The following QTRT1 variants were observed in gnomAD, a reference collection of about 807,000 sequenced individuals.
QTRT1 encodes TGT, 43-KD subunit.
A neutral mutation model predicts 44.0 loss-of-function variants in QTRT1; 41 were observed. The ratio of observed to expected loss-of-function variants is 0.93; its 90% confidence interval spans 0.73 to 1.21. The LOEUF is 1.21. QTRT1 is among the 50% of genes most tolerant of loss of function. The pLI, the probability that QTRT1 is intolerant of heterozygous loss-of-function variation, is 0.00. For missense variants in QTRT1, 542 were observed against 575.8 expected, an observed-to-expected ratio of 0.94 and a Z score of 0.60; for synonymous variants, 226 against 237.1, an observed-to-expected ratio of 0.95 and a Z score of 0.43.
intron 3 of QTRT1, 82 bp from the exon 4 acceptor site, chr19:10,707,220 T>C: frequency 1.4e-6 from 2 of 1,405,804 alleles, no homozygotes; most frequent in South Asian, 1.2e-5. Context: ...CTTGGGGAAG[T>C]CCAACTTGTC....
chr19:10,713,129 G>C lies in QTRT1; in HGVS notation c.1071G>C (p.Met357Ile). Residue 357 changes from methionine to isoleucine, a missense_variant, in exon 10 of 10, where the codon ATG becomes ATC. Physicochemically the swap from Met to Ile is conservative, Grantham distance 10. Transcript: ENST00000250237. The surrounding 1 kb of genome is among the most constrained non-coding windows in gnomAD (Gnocchi z 4.3). ...VHNIAYQLQLMSAVRTSIVEK... is the reference protein window; with the variant it reads ...VHNIAYQLQLISAVRTSIVEK... ...TCCCCTCCCCGCAGCTGCAGCTCAT[G>C]AGCGCCGTCCGCACCAGCATCGTGG... The C allele has an allele frequency of 6.2e-7, 1 of 1,609,522 alleles. No individual in the cohort carries two copies. Among genetic ancestry groups the C allele is most frequent in the Non-Finnish European group, 8.5e-7 (1 of 1,179,130 alleles).
intron 3 of QTRT1, among the ~76,000 whole-genome samples, chr19:10,706,436 A>G (rs563196386): frequency 6.6e-6 from 1 of 152,044 alleles, no homozygotes; most frequent in Non-Finnish European, 1.5e-5. Flanking sequence ...ACAGTGGTGC[A>G]ATCTTAGCTC....
In QTRT1 at chr19:10,701,618, C is replaced by T. The variant is rs2068689181; in HGVS notation, c.158C>T (p.Thr53Ile). The T allele has an allele frequency of 6.2e-7, 1 of 1,605,708 alleles. No individual in the cohort carries two copies. Among genetic ancestry groups the T allele is most frequent in the Non-Finnish European group, 8.5e-7 (1 of 1,177,286 alleles). ...TTCATGCCAGTGGGCACGCAGGCCA[C>T]CATGAAGGGCATCACGACCGAACAG... The part of the protein sequence containing the change: ...PVFMPVGTQA[T>I]MKGITTEQLD... The change falls in exon 1 of 10, where the codon ACC (threonine) becomes ATC (isoleucine). Residue 53 changes from threonine to isoleucine, a missense_variant. Coordinates refer to ENST00000250237, the MANE Select transcript of QTRT1 (RefSeq NM_031209.3).
intron 3 of QTRT1, among the ~76,000 whole-genome samples, chr19:10,706,100 C>T (rs538964286): frequency 1.4e-5 from 2 of 145,160 alleles, no homozygotes; most frequent in Non-Finnish European, 3.0e-5. Flanking sequence ...GTGATCCACA[C>T]GCCTTGGCCT....
Position 10,701,787 on chromosome 19 carries a change from C to G in QTRT1, c.243+84C>G, listed in dbSNP as rs1284456354. 3 of 1,562,840 alleles carry G rather than the reference C, an allele frequency of 1.9e-6. No homozygotes were observed. In the African/African-American group the frequency reaches 4.1e-5, roughly 21 times the overall value. The stretch of plus-strand genomic sequence containing the variant: ...GAGCGTCCTCCAGGCCCGGACACTC[C>G]TCCCAAAGTCAATCGACCAGCTGTA... On this transcript the variant is annotated intron_variant, in intron 1 of 9. Coordinates refer to ENST00000250237, the MANE Select transcript of QTRT1 (RefSeq NM_031209.3).
Position 10,701,481 on chromosome 19 carries a change from G to A in QTRT1, c.21G>A (p.Gln7=). ...TCAAGATGGCGGGAGCAGCTACCCA[G>A]GCTTCCCTGGAGTCGGCCCCACGGA... is the stretch of plus-strand genomic sequence containing the variant. MAGAAT[Q]ASLESAPRIM... Residue 7 remains glutamine, a synonymous_variant, in exon 1 of 10, where the codon CAG becomes CAA. Transcript: ENST00000250237. 1.3e-6 allele frequency: 2 copies of A among 1,565,348 alleles called. No homozygotes were observed. Among genetic ancestry groups the A allele is most frequent in the Non-Finnish European group, 1.7e-6 (2 of 1,152,092 alleles).
intron 3 of QTRT1, among the ~76,000 whole-genome samples, chr19:10,706,471 C>G (rs2068714048): frequency 6.6e-6 from 1 of 152,084 alleles, no homozygotes; most frequent in African/African-American, 2.4e-5. Flanking sequence ...CTTCCGGGTT[C>G]AAGCGATTCT....
intron 5 of QTRT1, among the ~76,000 whole-genome samples, chr19:10,710,301 A>G (rs765483652): frequency 1.3e-5 from 2 of 152,212 alleles, no homozygotes; most frequent in African/African-American, 2.4e-5. Context: ...AAGTATTCAC[A>G]TATTTTTATT....
chr19:10,710,830 G>A (rs576391781), intron 5 of QTRT1, among the ~76,000 whole-genome samples: 15 of 151,648 alleles, frequency 9.9e-5, no homozygotes, highest in Admixed American at 7.2e-4. Context: ...GGCTGAGGCA[G>A]GAGAATCACT....
At chr19:10,708,543 C>T (rs1232072253) in intron 5 of QTRT1, among the ~76,000 whole-genome samples, 6 of 152,216 alleles carry the variant, frequency 3.9e-5, no homozygotes, top group East Asian at 3.9e-4. Flanking sequence ...TGACAAGCAC[C>T]GCCCCATGGG....
In QTRT1 at chr19:10,702,120, G is replaced by T; in HGVS notation, c.317G>T (p.Ser106Ile). The change falls in exon 3 of 10, where the codon AGC (serine) becomes ATC (isoleucine). Residue 106 changes from serine (S) to isoleucine (I), a missense_variant. By Grantham distance (142) the Ser-to-Ile change is moderately radical (BLOSUM62 -2). Coordinates refer to ENST00000250237, the MANE Select transcript of QTRT1 (RefSeq NM_031209.3). ...MNWPHNLLTD[S>I]GGFQMVSLVS... ...TTGCGGTGGGGTTTCCCTTAGGACA[G>T]CGGCGGTTTCCAGATGGTGTCGCTG... The T allele has an allele frequency of 1.9e-6, 3 of 1,614,200 alleles. No homozygotes were observed. The highest frequency in any genetic ancestry group is 2.5e-6 in the Non-Finnish European group (3 of 1,180,046).
At chr19:10,703,556 TC>T (rs1568251932) in intron 3 of QTRT1, among the ~76,000 whole-genome samples, 1 of 152,132 alleles carries the variant, frequency 6.6e-6, no homozygotes, top group African/African-American at 2.4e-5. Context: ...ACGCCTGTAA[TC>T]CCAGCACTTT....
In QTRT1 at chr19:10,707,603, A is replaced by G; in HGVS notation, c.634A>G (p.Thr212Ala). 1 of 1,604,180 alleles carries G rather than the reference A, an allele frequency of 6.2e-7. No individual in the cohort carries two copies. The highest frequency in any genetic ancestry group is 8.5e-7 in the Non-Finnish European group (1 of 1,175,596). ...QGGLDADLRA[T>A]CLEEMTKRDV... is the part of the protein sequence containing the mutation. ...TGGGCTGGACGCAGATCTCCGGGCC[A>G]CCTGCCTTGAAGGTAGAGCCATGCG... is the stretch of plus-strand genomic sequence containing the variant. The change falls in exon 5 of 10, where the codon ACC (threonine) becomes GCC (alanine). Residue 212 changes from threonine (T) to alanine (A), a missense_variant. Coordinates refer to ENST00000250237, the MANE Select transcript of QTRT1 (RefSeq NM_031209.3).
At chr19:10,708,308 G>A (rs2068723999) in intron 5 of QTRT1, among the ~76,000 whole-genome samples, 1 of 152,012 alleles carries the variant, frequency 6.6e-6, no homozygotes, top group Admixed American at 6.6e-5. Flanking sequence ...TGCTCCTCCT[G>A]GAGTGCAGTG....
intron 1 of QTRT1, 24 bp downstream of exon 1, chr19:10,701,727 G>GGAGGCGGCGAGGCGGC (rs759087448): frequency 5.1e-5 from 80 of 1,565,056 alleles, no homozygotes; most frequent in Non-Finnish European, 6.7e-5. Context: ...GCCCGCGCGG[G>GGAGGCGGCGAGGCGGC]GAGGCGGCGA....
intron 3 of QTRT1, among the ~76,000 whole-genome samples, chr19:10,705,156 C>A (rs1194736261): frequency 6.6e-6 from 1 of 151,328 alleles, no homozygotes; most frequent in African/African-American, 2.4e-5. Context: ...TTCAGGTGGT[C>A]CACCTGCCTC....
Position 10,712,128 on chromosome 19 carries a change from T to G in QTRT1, c.647-33T>G. The G allele has an allele frequency of 6.2e-7, 1 of 1,610,688 alleles. No homozygotes were observed. On this transcript the variant is annotated intron_variant, in intron 5 of 9. Coordinates refer to ENST00000250237, the MANE Select transcript of QTRT1 (RefSeq NM_031209.3). The surrounding 1 kb of genome is among the most constrained non-coding windows in gnomAD (Gnocchi z 5.6). ...GATTGAAGACCAGGCGCATTTCCTC[T>G]TCTGTGGCCCTCACCTTACCCTGTA...
intron 5 of QTRT1, among the ~76,000 whole-genome samples, chr19:10,708,355 G>A (rs2068724195): frequency 6.6e-6 from 1 of 152,038 alleles, no homozygotes; most frequent in Middle Eastern, 3.2e-3. Flanking sequence ...AAACTCCTGG[G>A]ATCAAGCAGT....
intron 5 of QTRT1, among the ~76,000 whole-genome samples, chr19:10,708,217 C>T (rs2068723584): frequency 6.6e-6 from 1 of 152,148 alleles, no homozygotes; most frequent in Non-Finnish European, 1.5e-5. Flanking sequence ...CCTGCCTCGG[C>T]CTCCCAAAGT....
Sources: allele counts gnomAD v4.1 joint callset (sites outside exome capture counted in the v4.1 genomes callset), GRCh38; gene constraint gnomAD v4.1.1; non-coding constraint Gnocchi (gnomAD v3.1); transcripts MANE v1.5; gene names NCBI Gene and HGNC (gene_info 2026-07-23, HGNC 2026-07-21).